The following CBX5 variants were observed in gnomAD, a reference collection of about 807,000 sequenced individuals.
CBX5 encodes the protein chromobox protein homolog 5.
CBX5 carries 7 observed loss-of-function variants against 20.7 expected under a neutral mutation model. That is an observed-to-expected ratio of 0.34 (90% CI 0.19 to 0.63). The LOEUF (loss-of-function observed/expected upper bound fraction) is 0.63. CBX5 is among the 30% of genes least tolerant of loss of function. The pLI is 0.75. For synonymous variants in CBX5, 78 were observed against 77.0 expected, an observed-to-expected ratio of 1.01 and a Z score of -0.07; for missense variants, 110 against 224.1, an observed-to-expected ratio of 0.49 and a Z score of 3.25.
intron 1 of CBX5, among the ~76,000 whole-genome samples, chr12:54,279,260 C>T (rs542749328): frequency 6.6e-6 from 1 of 151,352 alleles, no homozygotes; most frequent in Admixed American, 6.6e-5. Context: ...AACAGTCTTC[C>T]TAAAGAAGCG....
chr12:54,270,559 C>A (rs556651953), intron 1 of CBX5, among the ~76,000 whole-genome samples: 3 of 152,216 alleles, frequency 2.0e-5, no homozygotes, highest in Non-Finnish European at 4.4e-5. Context: ...AGGAATCAGT[C>A]ACAGCACCTA....
chr12:54,242,442 G>A lies in CBX5; in HGVS notation c.426-537C>T, dbSNP rs755699965. Among the ~76,000 whole-genome samples, 88 of 150,454 alleles carry A rather than the reference G, an allele frequency of 5.8e-4. 1 individual carries two copies. The highest frequency in any genetic ancestry group is 7.0e-3 in the Middle Eastern group (2 of 284). ...CGGGAGGCTGAGGCAGGAGAATGGC[G>A]TGAACCCGGGAGGCGGAGCTTGCAG... On this transcript the variant is annotated intron_variant, in intron 4 of 4. Transcript: ENST00000209875.
At chr12:54,261,448 C>T (rs556457712) in intron 1 of CBX5, among the ~76,000 whole-genome samples, 7 of 152,064 alleles carry the variant, frequency 4.6e-5, no homozygotes, top group Non-Finnish European at 8.8e-5. Flanking sequence ...AGGCATGTGC[C>T]ACCACGCCCA....
intron 1 of CBX5, among the ~76,000 whole-genome samples, chr12:54,259,831 T>A (rs1396429029): frequency 6.6e-6 from 1 of 152,254 alleles, no homozygotes; most frequent in Admixed American, 6.5e-5. Context: ...GTATTTATGC[T>A]TATTCCTCTA....
chr12:54,267,382 G>A (rs1592163123), intron 1 of CBX5, among the ~76,000 whole-genome samples: 1 of 152,182 alleles, frequency 6.6e-6, no homozygotes, highest in East Asian at 1.9e-4. Context: ...TTAAGACTCA[G>A]TCTTTACCAT....
intron 1 of CBX5, among the ~76,000 whole-genome samples, chr12:54,263,616 C>T (rs1031649884): frequency 2.7e-5 from 4 of 150,626 alleles, no homozygotes; most frequent in Non-Finnish European, 5.9e-5. Flanking sequence ...CCCAGCTACT[C>T]GGGAGGCTGA....
chr12:54,241,968 C>T (rs1054422127), intron 4 of CBX5, 63 bp from the exon 5 acceptor site: 76 of 1,479,182 alleles, frequency 5.1e-5, no homozygotes, highest in Non-Finnish European at 2.7e-5. Context: ...TCCAGACATA[C>T]GTTTATGTCA....
chr12:54,267,669 G>A (rs1290499345), intron 1 of CBX5, among the ~76,000 whole-genome samples: 4 of 151,886 alleles, frequency 2.6e-5, no homozygotes, highest in Non-Finnish European at 5.9e-5. Flanking sequence ...CCGCCACCAC[G>A]CCCGGCTAAT....
Position 54,254,985 on chromosome 12 carries a change from A to G in CBX5, c.137+2529T>C, listed in dbSNP as rs375411366. 3.9e-5 allele frequency among the ~76,000 whole-genome samples: 6 copies of G among 152,220 alleles called. No homozygotes were observed. In the East Asian group the frequency reaches 5.8e-4, roughly 15 times the overall value. On this transcript the variant is annotated intron_variant, in intron 2 of 4. Coordinates refer to ENST00000209875, the MANE Select transcript of CBX5 (RefSeq NM_012117.3). The stretch of plus-strand genomic sequence containing the variant: ...TCAAAAGGTGTACCAAGACTATTAC[A>G]CAAGCCGAATACACTTGGGGGTTGG...
In CBX5 at chr12:54,239,467, A is replaced by G. The variant is rs80140630; in HGVS notation, c.*2288T>C. On this transcript the variant is annotated 3_prime_UTR_variant, in exon 5 of 5. Transcript: ENST00000209875. The stretch of plus-strand genomic sequence containing the variant: ...TCATTTTCTGCAAATCAAGAGACCC[A>G]TATCACCTCCTCAGGAGCTCTGGCC... 3 of 152,178 alleles carry G rather than the reference A, an allele frequency of 2.0e-5. No homozygotes were observed. Among genetic ancestry groups the G allele is most frequent in the African/African-American group, 7.2e-5 (3 of 41,420 alleles). The allele number at this position is 152,178 out of a possible 1,614,324, so 9.4% of individuals were successfully genotyped here. A position where few individuals can be genotyped will look rare whatever the true frequency, so the allele number is the denominator to read the frequency against.
At position 54,238,617 on chromosome 12, in the gene CBX5, T is replaced by G. The variant is rs1943646418; in HGVS notation, c.*3138A>C. Reference sequence around the variant, plus strand: ...AGTACTGGGGGAAAAAAAACTAGATTGTTATTTGAAGAAGAAAACATCATG... The same window carrying G: ...AGTACTGGGGGAAAAAAAACTAGATGGTTATTTGAAGAAGAAAACATCATG... On this transcript the variant is annotated 3_prime_UTR_variant, in exon 5 of 5. Coordinates refer to ENST00000209875, the MANE Select transcript of CBX5 (RefSeq NM_012117.3). The G allele has an allele frequency of 6.6e-6, 1 of 152,154 alleles. No homozygotes were observed. Among genetic ancestry groups the G allele is most frequent in the African/African-American group, 2.4e-5 (1 of 41,400 alleles). 9.4% of individuals were successfully genotyped at this position (152,154 alleles called of 1,614,324 possible). A position where few individuals can be genotyped will look rare whatever the true frequency, so the allele number is the denominator to read the frequency against.
In CBX5 at chr12:54,258,005, A is replaced by C. The variant is rs548161355; in HGVS notation, c.-42-313T>G. 3.2e-5 allele frequency: 6 copies of C among 184,750 alleles called. 1 individual carries two copies. The South Asian group carries it at 1.1e-3, about 35-fold the overall frequency. The allele number at this position is 184,750 out of a possible 1,614,324, so 11.4% of individuals were successfully genotyped here. ...CTGGCTATGTTTGTAACTGTTTACA[A>C]GCCAGGAACTCAAACAGAAATGTGC... is the stretch of plus-strand genomic sequence containing the variant. On this transcript the variant is annotated intron_variant, in intron 1 of 4. Coordinates refer to ENST00000209875, the MANE Select transcript of CBX5 (RefSeq NM_012117.3).
chr12:54,251,880 G>A (rs1327943895), intron 3 of CBX5, among the ~76,000 whole-genome samples, 161 bp downstream of exon 3: 1 of 152,102 alleles, frequency 6.6e-6, no homozygotes, highest in Non-Finnish European at 1.5e-5. Context: ...CCAGGAGAGG[G>A]AGCTGTAATC....
intron 3 of CBX5, among the ~76,000 whole-genome samples, chr12:54,251,201 C>T (rs546500515): frequency 1.3e-5 from 2 of 152,034 alleles, no homozygotes; most frequent in South Asian, 4.1e-4. Flanking sequence ...TGGCTCACGT[C>T]TATAATCTCA....
At chr12:54,253,766 ATT>A (rs1413056171) in intron 2 of CBX5, among the ~76,000 whole-genome samples, 2 of 140,846 alleles carry the variant, frequency 1.4e-5, no homozygotes, top group East Asian at 2.1e-4. Context: ...GAATTGTACA[ATT>A]TTTTTTTTTT....
At chr12:54,265,063 C>T (rs1484345568) in intron 1 of CBX5, among the ~76,000 whole-genome samples, 3 of 152,126 alleles carry the variant, frequency 2.0e-5, no homozygotes, top group Admixed American at 1.3e-4. Flanking sequence ...TGCAAAGCTC[C>T]CTATCACATG....
chr12:54,249,153 G>A (rs1375773404), intron 3 of CBX5, among the ~76,000 whole-genome samples: 4 of 152,076 alleles, frequency 2.6e-5, no homozygotes, highest in African/African-American at 9.7e-5. Context: ...GGCGGATAAC[G>A]AGGTCAGGAG....
chr12:54,248,402 G>A (rs973342984), intron 3 of CBX5, among the ~76,000 whole-genome samples: 1 of 152,180 alleles, frequency 6.6e-6, no homozygotes, highest in Non-Finnish European at 1.5e-5. Context: ...AATCTCTACT[G>A]CCCGATTTTC....
chr12:54,279,301 A>T (rs1432710074), intron 1 of CBX5, among the ~76,000 whole-genome samples: 1 of 152,080 alleles, frequency 6.6e-6, no homozygotes, highest in Non-Finnish European at 1.5e-5. Context: ...AAAACAAACA[A>T]ACAAAAAAAA....
Sources: gnomAD v4.1 joint callset for allele counts (sites outside exome capture counted in the v4.1 genomes callset) on GRCh38, gnomAD v4.1.1 for gene constraint, MANE v1.5 for transcripts, NCBI Gene and HGNC (gene_info 2026-07-23, HGNC 2026-07-21) for gene names.